DLGAP1: variants seen among roughly 807,000 people sequenced by gnomAD.
The protein encoded by DLGAP1 is disks large-associated protein 1.
In DLGAP1, 11 loss-of-function variants were observed where a neutral mutation model predicts 90.8. That is an observed-to-expected ratio of 0.12 (90% CI 0.08 to 0.20). DLGAP1 has a LOEUF of 0.20. DLGAP1 is among the 10% of genes least tolerant of loss of function. The probability of loss-of-function intolerance (pLI) is 1.00; values close to 1 mark genes in which losing one functional copy is unlikely to be tolerated. For missense variants in DLGAP1, 1,050 were observed against 1,333.8 expected, an observed-to-expected ratio of 0.79 and a Z score of 3.31; for synonymous variants, 558 against 540.7, an observed-to-expected ratio of 1.03 and a Z score of -0.44.
intron 3 of DLGAP1, among the ~76,000 whole-genome samples, chr18:3,968,799 T>C (rs868499887): frequency 1.3e-5 from 2 of 152,162 alleles, no homozygotes; most frequent in South Asian, 4.1e-4. Flanking sequence ...AGTAATACCA[T>C]GCAAGGGAGG....
At position 3,660,198 on chromosome 18, in the gene DLGAP1, G is replaced by A. The variant is rs754172729; in HGVS notation, c.1591+68937C>T. On this transcript the variant is annotated intron_variant, in intron 7 of 12. Coordinates refer to ENST00000315677, the MANE Select transcript of DLGAP1 (RefSeq NM_004746.4). The surrounding 1 kb of genome is among the most constrained non-coding windows in gnomAD (Gnocchi z 4.2). ...TTATTTTTTAAAAGGATTGGGGGTG[G>A]GGGTCTCACTTTGTTGGCCAGCCTG... 6.6e-6 allele frequency among the ~76,000 whole-genome samples: 1 copy of A among 152,020 alleles called. No homozygotes were observed. The highest frequency in any genetic ancestry group is 1.5e-5 in the Non-Finnish European group (1 of 67,994).
chr18:3,781,694 T>C (rs2065200607), intron 5 of DLGAP1, among the ~76,000 whole-genome samples: 1 of 152,142 alleles, frequency 6.6e-6, no homozygotes, highest in South Asian at 2.1e-4. Context: ...TAGATAAGAT[T>C]GTCTACAGCA....
intron 1 of DLGAP1, among the ~76,000 whole-genome samples, chr18:4,185,627 G>A (rs551362388): frequency 2.0e-5 from 3 of 152,208 alleles, no homozygotes; most frequent in East Asian, 1.9e-4. Context: ...TGGTGTACAT[G>A]TACCACATTT....
intron 1 of DLGAP1, among the ~76,000 whole-genome samples, chr18:4,158,890 T>A (rs2076800208): frequency 6.6e-6 from 1 of 152,072 alleles, no homozygotes; most frequent in South Asian, 2.1e-4. Context: ...TCCAAACTCA[T>A]CAGATTGCAT....
At chr18:3,550,558 AG>A (rs2053331566) in intron 9 of DLGAP1, among the ~76,000 whole-genome samples, 2 of 152,090 alleles carry the variant, frequency 1.3e-5, no homozygotes, top group African/African-American at 2.4e-5. Context: ...TGAGGCCCCA[AG>A]GGTGGGCTCT....
At chr18:4,184,890 T>C (rs1026255264) in intron 1 of DLGAP1, among the ~76,000 whole-genome samples, 1 of 152,148 alleles carries the variant, frequency 6.6e-6, no homozygotes, top group Non-Finnish European at 1.5e-5. Flanking sequence ...CCTAGTGTCC[T>C]GCACTGTCAC....
intron 7 of DLGAP1, among the ~76,000 whole-genome samples, chr18:3,693,720 G>T (rs2060980454): frequency 6.6e-6 from 1 of 152,140 alleles, no homozygotes; most frequent in Non-Finnish European, 1.5e-5. Context: ...TAAAATGGAA[G>T]TATTATTCTC....
At chr18:4,096,148 C>T (rs901544719) in intron 2 of DLGAP1, among the ~76,000 whole-genome samples, 1 of 152,146 alleles carries the variant, frequency 6.6e-6, no homozygotes, top group African/African-American at 2.4e-5. Context: ...GCTTCAGCCT[C>T]CCAAGTAGCT....
intron 4 of DLGAP1, among the ~76,000 whole-genome samples, chr18:3,828,308 C>T (rs1186390481): frequency 1.3e-5 from 2 of 152,134 alleles, no homozygotes; most frequent in Non-Finnish European, 2.9e-5. Context: ...GTACATCAGC[C>T]TCTGGGGGCC....
intron 7 of DLGAP1, among the ~76,000 whole-genome samples, chr18:3,658,558 T>C (rs2059578585): frequency 6.6e-6 from 1 of 152,230 alleles, no homozygotes; most frequent in Non-Finnish European, 1.5e-5. Context: ...CTGTGAAGCC[T>C]TTCATTGCAA....
chr18:3,813,381 GACC>G (rs1455997117), intron 5 of DLGAP1, among the ~76,000 whole-genome samples: 2 of 152,154 alleles, frequency 1.3e-5, no homozygotes, highest in Non-Finnish European at 2.9e-5. Context: ...TAATAGGCTA[GACC>G]ATCTAAGTTT....
At chr18:4,242,401 C>A (rs1296407372) in intron 1 of DLGAP1, among the ~76,000 whole-genome samples, 1 of 151,966 alleles carries the variant, frequency 6.6e-6, no homozygotes, top group African/African-American at 2.4e-5. Flanking sequence ...AAAGTCCGCC[C>A]AGAATTCTGG....
At chr18:3,667,688 T>C (rs1463567148) in intron 7 of DLGAP1, among the ~76,000 whole-genome samples, 2 of 152,088 alleles carry the variant, frequency 1.3e-5, no homozygotes. Context: ...CACTTCCAGG[T>C]CGGTGTGACT....
chr18:3,813,104 G>A (rs1165513421), intron 5 of DLGAP1, among the ~76,000 whole-genome samples: 1 of 152,078 alleles, frequency 6.6e-6, no homozygotes, highest in Non-Finnish European at 1.5e-5. Flanking sequence ...CCTGCGTAGC[G>A]CTATTCTTTG....
At chr18:4,051,545 A>G (rs1324989217) in intron 2 of DLGAP1, among the ~76,000 whole-genome samples, 1 of 152,180 alleles carries the variant, frequency 6.6e-6, no homozygotes, top group African/African-American at 2.4e-5. Context: ...ATTACTTCCC[A>G]CTGGGTCCCT....
At chr18:3,754,601 G>T (rs1465315703) in intron 5 of DLGAP1, among the ~76,000 whole-genome samples, 3 of 151,430 alleles carry the variant, frequency 2.0e-5, no homozygotes, top group Non-Finnish European at 4.4e-5. Flanking sequence ...ATAAAAGAGG[G>T]GTGGGGGGTG....
intron 1 of DLGAP1, among the ~76,000 whole-genome samples, chr18:4,197,203 A>G (rs569659450): frequency 1.4e-4 from 21 of 149,880 alleles, no homozygotes; most frequent in African/African-American, 4.9e-4. Context: ...AAAAAAAAAA[A>G]AAAAAGAAAA....
chr18:3,518,253 C>T lies in DLGAP1; in HGVS notation c.2480-9592G>A, dbSNP rs189165528. ...AGGGAGAGAGATGGGAATGGCAGGT[C>T]GGTGGAGCAGTCAGAACATAAACAC... On this transcript the variant is annotated intron_variant, in intron 10 of 12. Coordinates refer to ENST00000315677, the MANE Select transcript of DLGAP1 (RefSeq NM_004746.4). 1.2e-3 allele frequency among the ~76,000 whole-genome samples: 186 copies of T among 152,192 alleles called. 2 individuals carry two copies. The highest frequency in any genetic ancestry group is 4.3e-3 in the African/African-American group (177 of 41,530).
intron 2 of DLGAP1, among the ~76,000 whole-genome samples, chr18:4,105,806 G>A (rs926732505): frequency 2.2e-4 from 33 of 151,956 alleles, no homozygotes; most frequent in African/African-American, 6.8e-4. Context: ...CGAGGTGGGC[G>A]GATCATGAGG....
Sources: allele counts gnomAD v4.1 joint callset (sites outside exome capture counted in the v4.1 genomes callset), GRCh38; gene constraint gnomAD v4.1.1; non-coding constraint Gnocchi (gnomAD v3.1); transcripts MANE v1.5; gene names NCBI Gene and HGNC (gene_info 2026-07-23, HGNC 2026-07-21).